Variants in SPAG16 observed in about 807,000 individuals in gnomAD.
SPAG16 encodes the protein sperm-associated antigen 16 protein.
A neutral mutation model predicts 80.4 loss-of-function variants in SPAG16; 86 were observed. The observed-to-expected ratio is 1.07, with a 90% CI of 0.90 to 1.28. The LOEUF (loss-of-function observed/expected upper bound fraction) is 1.28. Ranked by LOEUF, SPAG16 falls within the 50% of genes most tolerant of loss-of-function variation. The pLI is 0.00. For missense variants in SPAG16, 870 were observed against 765.3 expected (o/e 1.14, Z -1.61); for synonymous variants, 294 against 265.9 (o/e 1.11, Z -1.03).
chr2:214,152,771 C>T (rs1026090111), intron 15 of SPAG16, among the ~76,000 whole-genome samples: 4 of 152,112 alleles, frequency 2.6e-5, no homozygotes, highest in Middle Eastern at 3.2e-3. Flanking sequence ...GGTAAGGTCA[C>T]GTGGGTCACG....
intron 15 of SPAG16, among the ~76,000 whole-genome samples, chr2:214,165,469 C>CTTTTTTTTTTTTTTTT (rs67726428): frequency 5.3e-5 from 2 of 37,856 alleles, no homozygotes; most frequent in African/African-American, 2.8e-4. Context: ...CATCACCATC[C>CTTTTTTTTTTTTTTTT]TTTTTTTTTT....
chr2:214,149,508 G>A (rs936749525), intron 15 of SPAG16, among the ~76,000 whole-genome samples: 48 of 152,108 alleles, frequency 3.2e-4, no homozygotes, highest in African/African-American at 9.4e-4. Context: ...AATCTAGATA[G>A]CATAGGTTTG....
chr2:213,600,924 C>T (rs141354564), intron 10 of SPAG16, among the ~76,000 whole-genome samples: 2,136 of 152,184 alleles, frequency 0.014, 19 homozygotes, highest in Non-Finnish European at 0.022. Context: ...AATTTATTAG[C>T]GTGCAGGGAG....
intron 10 of SPAG16, among the ~76,000 whole-genome samples, chr2:213,838,913 G>C (rs911716170): frequency 2.0e-5 from 3 of 152,202 alleles, no homozygotes; most frequent in Admixed American, 6.5e-5. Flanking sequence ...ATTGTGGTTT[G>C]ATCAGTTGCA....
chr2:214,102,821 T>C (rs1034368239), intron 13 of SPAG16, among the ~76,000 whole-genome samples: 2 of 152,000 alleles, frequency 1.3e-5, no homozygotes, highest in Non-Finnish European at 2.9e-5. Context: ...GAGGAGTTTA[T>C]TTTAAAAGGC....
At chr2:213,497,833 A>G (rs998651280) in intron 10 of SPAG16, among the ~76,000 whole-genome samples, 1 of 152,144 alleles carries the variant, frequency 6.6e-6, no homozygotes. Flanking sequence ...TTTCTGGAGT[A>G]TATTATTATG....
At chr2:214,372,783 G>A (rs541224185) in intron 15 of SPAG16, among the ~76,000 whole-genome samples, 1 of 152,288 alleles carries the variant, frequency 6.6e-6, no homozygotes, top group African/African-American at 2.4e-5. Flanking sequence ...TTGCCAACAT[G>A]TAGTAGAAAA....
At chr2:214,243,907 G>A (rs1386018017) in intron 15 of SPAG16, among the ~76,000 whole-genome samples, 2 of 152,050 alleles carry the variant, frequency 1.3e-5, no homozygotes, top group Non-Finnish European at 2.9e-5. Context: ...TCACCTTAGG[G>A]CCTGGGTCAG....
At chr2:213,855,915 T>G (rs1452730750) in intron 10 of SPAG16, among the ~76,000 whole-genome samples, 2 of 149,676 alleles carry the variant, frequency 1.3e-5, no homozygotes, top group Non-Finnish European at 3.0e-5. Context: ...TCCTGGTCCC[T>G]CCCAAATCTC....
intron 10 of SPAG16, among the ~76,000 whole-genome samples, chr2:213,859,218 T>TAAAAAAAAAAAAAAAAAAAAAAAAA (rs1575378884): frequency 5.9e-5 from 1 of 16,904 alleles, no homozygotes. Context: ...AAAAAAAAAC[T>TAAAAAAAAAAAAAAAAAAAAAAAAA]CAATGTCCTC....
At chr2:213,405,583 A>G (rs1366128354) in intron 9 of SPAG16, among the ~76,000 whole-genome samples, 1 of 152,176 alleles carries the variant, frequency 6.6e-6, no homozygotes, top group African/African-American at 2.4e-5. Flanking sequence ...TTCCTTCTAT[A>G]TAACTGTATT....
intron 13 of SPAG16, among the ~76,000 whole-genome samples, chr2:214,028,012 T>C (rs1292613246): frequency 6.6e-6 from 1 of 151,974 alleles, no homozygotes; most frequent in Non-Finnish European, 1.5e-5. Context: ...TTATTTTCCC[T>C]ACCATCTTCT....
At chr2:213,751,693 A>G (rs1419052189) in intron 10 of SPAG16, among the ~76,000 whole-genome samples, 4 of 152,148 alleles carry the variant, frequency 2.6e-5, no homozygotes, top group Admixed American at 2.6e-4. Flanking sequence ...TTAACCTTAT[A>G]TTCAGCCAGA....
intron 3 of SPAG16, among the ~76,000 whole-genome samples, chr2:213,300,195 A>G (rs1252528344): frequency 1.3e-5 from 2 of 152,166 alleles, no homozygotes; most frequent in African/African-American, 4.8e-5. Flanking sequence ...CCCAAGTCAT[A>G]TAATTGTTCA....
chr2:213,560,404 C>T (rs1221747771), intron 10 of SPAG16, among the ~76,000 whole-genome samples: 1 of 152,010 alleles, frequency 6.6e-6, no homozygotes, highest in Non-Finnish European at 1.5e-5. Flanking sequence ...GCAATTCTAA[C>T]TTGATGAAGA....
At chr2:213,531,245 A>AT (rs1186281398) in intron 10 of SPAG16, among the ~76,000 whole-genome samples, 8 of 151,988 alleles carry the variant, frequency 5.3e-5, no homozygotes, top group African/African-American at 1.9e-4. Flanking sequence ...TCAATTTGGG[A>AT]TTTTTCTGGG....
chr2:213,576,951 A>G lies in SPAG16; in HGVS notation c.1070+86861A>G, dbSNP rs768829982. On this transcript the variant is annotated intron_variant, in intron 10 of 15. Coordinates refer to ENST00000331683, the MANE Select transcript of SPAG16 (RefSeq NM_024532.5). ...ACAACAATCCCCATTACACAAGTTT[A>G]CATAGGTTACATAGGTAAACTTGTG... Among the ~76,000 whole-genome samples the G allele has an allele frequency of 1.8e-3, 277 of 152,214 alleles. 2 individuals carry two copies. The highest frequency in any genetic ancestry group is 0.01 in the Middle Eastern group (3 of 294).
At chr2:214,056,318 T>TAG (rs1332334966) in intron 13 of SPAG16, among the ~76,000 whole-genome samples, 2 of 136,970 alleles carry the variant, frequency 1.5e-5, no homozygotes, top group African/African-American at 2.7e-5. Flanking sequence ...CACACACGCA[T>TAG]AGAGAGAGAG....
At chr2:214,274,505 G>A (rs960235693) in intron 15 of SPAG16, among the ~76,000 whole-genome samples, 1 of 152,156 alleles carries the variant, frequency 6.6e-6, no homozygotes, top group African/African-American at 2.4e-5. Flanking sequence ...TTAGCATGAA[G>A]GGCTGTTGAA....
Sources: gnomAD v4.1 joint callset for allele counts (sites outside exome capture counted in the v4.1 genomes callset) on GRCh38, gnomAD v4.1.1 for gene constraint, MANE v1.5 for transcripts, NCBI Gene and HGNC (gene_info 2026-07-23, HGNC 2026-07-21) for gene names.